Variants in LCA5 observed in about 807,000 individuals in gnomAD.
LCA5 encodes lebercilin LCA5.
LCA5 carries 37 observed loss-of-function variants against 53.0 expected under a neutral mutation model. That is an observed-to-expected ratio of 0.70 (90% CI 0.54 to 0.92). The LOEUF is 0.92. LCA5 is among the 40% of genes least tolerant of loss of function. The pLI, the probability that LCA5 is intolerant of heterozygous loss-of-function variation, is 0.00. For missense variants in LCA5, 806 were observed against 790.5 expected, an observed-to-expected ratio of 1.02 and a Z score of -0.23; for synonymous variants, 303 against 282.9, an observed-to-expected ratio of 1.07 and a Z score of -0.71.
rs1582608737 is a variant in LCA5, at chr6:79,486,559, C to T, written c.*445G>A. 1 of 160,888 alleles carries T rather than the reference C, an allele frequency of 6.2e-6. No homozygotes were observed. Among genetic ancestry groups the T allele is most frequent in the African/African-American group, 2.4e-5 (1 of 41,456 alleles). 10.0% of individuals were successfully genotyped at this position (160,888 alleles called of 1,614,324 possible). On this transcript the variant is annotated 3_prime_UTR_variant, in exon 8 of 8. Coordinates refer to ENST00000369846, the MANE Select transcript of LCA5 (RefSeq NM_001122769.3). ...CATAAAGGGAAGGGCTCCTAAGAAGCACTGGTTCTCCACCATCCGGAGCTA... is the reference window on the plus strand; with the variant it reads ...CATAAAGGGAAGGGCTCCTAAGAAGTACTGGTTCTCCACCATCCGGAGCTA...
At chr6:79,522,453 G>A (rs1434181687) in intron 1 of LCA5, among the ~76,000 whole-genome samples, 3 of 151,994 alleles carry the variant, frequency 2.0e-5, no homozygotes, top group African/African-American at 7.3e-5. Context: ...GAAAGTAGGA[G>A]AGAGATCGAG....
At chr6:79,527,970 C>T (rs72624517) in intron 1 of LCA5, among the ~76,000 whole-genome samples, 14,204 of 152,150 alleles carry the variant, frequency 0.093, 1,483 homozygotes, top group East Asian at 0.55. Context: ...TTAAGGCAAA[C>T]CTTAGAAATT....
chr6:79,537,142 TC>T (rs1475750863), intron 1 of LCA5, 22 bp downstream of exon 1: 1 of 153,228 alleles, frequency 6.5e-6, no homozygotes, highest in Non-Finnish European at 1.5e-5. Context: ...CCCCGCCGTC[TC>T]CACGCCCACT....
intron 3 of LCA5, among the ~76,000 whole-genome samples, chr6:79,497,998 C>CA (rs1770030074): frequency 6.7e-6 from 1 of 148,164 alleles, no homozygotes; most frequent in Admixed American, 6.7e-5. Context: ...AGTCAACTGA[C>CA]AAAAACTGTA....
Position 79,513,655 on chromosome 6 carries a change from G to T in LCA5, c.277C>A (p.Leu93Ile). The change falls in exon 3 of 8, where the codon CTT becomes ATT. Residue 93 changes from leucine (L) to isoleucine (I), a missense_variant. Coordinates refer to ENST00000369846, the MANE Select transcript of LCA5 (RefSeq NM_001122769.3). Reference sequence around the variant, plus strand: ...GTAACAAGATCAGTATCTTTCCGAAGTGGCTCTCTATTGAGGCTCTGGGAG... The same window carrying T: ...GTAACAAGATCAGTATCTTTCCGAATTGGCTCTCTATTGAGGCTCTGGGAG... ...FRSQSLNREP[L>I]RKDTDLVTKR... The T allele has an allele frequency of 6.2e-7, 1 of 1,613,792 alleles. No homozygotes were observed. The highest frequency in any genetic ancestry group is 8.5e-7 in the Non-Finnish European group (1 of 1,179,796).
chr6:79,501,821 T>C (rs1274554821), intron 3 of LCA5, among the ~76,000 whole-genome samples: 2 of 151,228 alleles, frequency 1.3e-5, no homozygotes, highest in Admixed American at 6.6e-5. Flanking sequence ...TCTATAGTTC[T>C]CTATGTATAA....
intron 1 of LCA5, among the ~76,000 whole-genome samples, chr6:79,532,654 C>T (rs1453309132): frequency 6.6e-6 from 1 of 152,164 alleles, no homozygotes; most frequent in Non-Finnish European, 1.5e-5. Context: ...CTGTTCTCAG[C>T]ACAAATGTCA....
rs566474312 is a variant in LCA5, at chr6:79,513,171, A to C, written c.720+41T>G. The C allele has an allele frequency of 7.0e-6, 11 of 1,579,038 alleles. No individual in the cohort carries two copies. In the African/African-American group the frequency reaches 8.1e-5, roughly 12 times the overall value. On this transcript the variant is annotated intron_variant, in intron 3 of 7. Coordinates refer to ENST00000369846, the MANE Select transcript of LCA5 (RefSeq NM_001122769.3). ...GAGCACATTAAATGCCCAATGAGAA[A>C]CATCCCAAGAAAGTACAATTAGAAG...
In LCA5 at chr6:79,513,210, AC is replaced by A; in HGVS notation, c.720+1del. ...TACAATTAGAAGCTGTAGAAATTGT[AC>A]CTTAATTCTTCTCTCGGTGTCATCT... is the stretch of plus-strand genomic sequence containing the variant. On this transcript the variant is annotated splice_donor_variant, in intron 3 of 7. Coordinates refer to ENST00000369846, the MANE Select transcript of LCA5 (RefSeq NM_001122769.3). LOFTEE classifies it high-confidence loss of function. 6.2e-7 allele frequency: 1 copy of A among 1,611,910 alleles called. No homozygotes were observed. Among genetic ancestry groups the A allele is most frequent in the South Asian group, 1.1e-5 (1 of 91,018 alleles).
At chr6:79,494,930 A>C (rs77495003) in intron 3 of LCA5, among the ~76,000 whole-genome samples, 3,272 of 152,332 alleles carry the variant, frequency 0.021, 115 homozygotes, top group African/African-American at 0.074. Flanking sequence ...GCAAATGAAA[A>C]GATAAACCAC....
chr6:79,507,879 G>A (rs1018504346), intron 3 of LCA5, among the ~76,000 whole-genome samples: 4 of 152,028 alleles, frequency 2.6e-5, no homozygotes, highest in African/African-American at 9.7e-5. Context: ...ACCACCACTG[G>A]ACCAACCTGT....
At chr6:79,489,299 T>A in intron 6 of LCA5, 83 bp from the exon 7 acceptor site, 1 of 1,359,350 alleles carries the variant, frequency 7.4e-7, no homozygotes, top group Non-Finnish European at 1.0e-6. Context: ...CCATTAAACA[T>A]GATTACCAAC....
chr6:79,518,614 T>TA, intron 2 of LCA5, 91 bp downstream of exon 2: 1 of 1,158,134 alleles, frequency 8.6e-7, no homozygotes, highest in Middle Eastern at 1.9e-4. Flanking sequence ...ACAACATATA[T>TA]ACTAATAAAA....
At chr6:79,509,246 G>C (rs1770346632) in intron 3 of LCA5, among the ~76,000 whole-genome samples, 2 of 152,142 alleles carry the variant, frequency 1.3e-5, no homozygotes, top group Non-Finnish European at 2.9e-5. Flanking sequence ...CCTGAGATCA[G>C]GAGTTCCAGG....
At chr6:79,505,200 G>A (rs1482407321) in intron 3 of LCA5, among the ~76,000 whole-genome samples, 1 of 152,026 alleles carries the variant, frequency 6.6e-6, no homozygotes, top group African/African-American at 2.4e-5. Context: ...AGTTTCTAAG[G>A]ACACTGCAAA....
chr6:79,506,449 G>A (rs1770274078), intron 3 of LCA5, among the ~76,000 whole-genome samples: 2 of 152,100 alleles, frequency 1.3e-5, no homozygotes, highest in Non-Finnish European at 2.9e-5. Flanking sequence ...GTTGGTCATA[G>A]CTATGACTGA....
In LCA5 at chr6:79,485,169, G is replaced by T. The variant is rs1769611094; in HGVS notation, c.*1835C>A. On this transcript the variant is annotated 3_prime_UTR_variant, in exon 8 of 8. Coordinates refer to ENST00000369846, the MANE Select transcript of LCA5 (RefSeq NM_001122769.3). Reference sequence around the variant, plus strand: ...CTTTAAATCTGTAACTTAACTTTAGGTTTAATTTTAATAATTCTGTCTTGT... The same window carrying T: ...CTTTAAATCTGTAACTTAACTTTAGTTTTAATTTTAATAATTCTGTCTTGT... 1 of 152,240 alleles carries T rather than the reference G, an allele frequency of 6.6e-6. No individual in the cohort carries two copies. Among genetic ancestry groups the T allele is most frequent in the African/African-American group, 2.4e-5 (1 of 41,320 alleles). 9.4% of individuals were successfully genotyped at this position (152,240 alleles called of 1,614,324 possible). A position where few individuals can be genotyped will look rare whatever the true frequency, so the allele number is the denominator to read the frequency against.
intron 3 of LCA5, among the ~76,000 whole-genome samples, chr6:79,507,610 A>T (rs1770303939): frequency 6.6e-6 from 1 of 152,136 alleles, no homozygotes; most frequent in South Asian, 2.1e-4. Flanking sequence ...CTTGAGAATG[A>T]TCCTGTACGG....
rs1288525084 is a variant in LCA5 at position 79,509,485 on chromosome 6, T to C, written c.720+3727A>G. 4.7e-5 allele frequency among the ~76,000 whole-genome samples: 7 copies of C among 148,174 alleles called. No homozygotes were observed. In the East Asian group the frequency reaches 1.2e-3, roughly 26 times the overall value. On this transcript the variant is annotated intron_variant, in intron 3 of 7. Transcript: ENST00000369846. ...AAAAAAAAAAAAAGTAGGTTCATAA[T>C]AACATATTAAATATTGATTCCAACA...
Sources: allele counts gnomAD v4.1 joint callset (sites outside exome capture counted in the v4.1 genomes callset), GRCh38; gene constraint gnomAD v4.1.1; transcripts MANE v1.5; gene names NCBI Gene and HGNC (gene_info 2026-07-23, HGNC 2026-07-21).